CASP4: variants seen among roughly 807,000 people sequenced by gnomAD.
The protein encoded by CASP4 is caspase-4.
Under a neutral mutation model 41.3 loss-of-function variants are expected in CASP4, and 29 were observed. The ratio of observed to expected loss-of-function variants is 0.70; its 90% CI spans 0.52 to 0.96. The LOEUF (loss-of-function observed/expected upper bound fraction) is 0.96, where lower values mean the gene tolerates loss of function less well. CASP4 is among the 40% of genes least tolerant of loss of function. The pLI is 0.00. For synonymous variants in CASP4, 185 were observed against 158.4 expected, an observed-to-expected ratio of 1.17 and a Z score of -1.26; for missense variants, 447 against 460.6, an observed-to-expected ratio of 0.97 and a Z score of 0.27.
chr11:104,954,064 A>C (rs1277262247), intron 2 of CASP4, among the ~76,000 whole-genome samples: 1 of 152,158 alleles, frequency 6.6e-6, no homozygotes, highest in Middle Eastern at 3.2e-3. Context: ...TACTGTTATT[A>C]ATTGGTGAAG....
chr11:104,954,456 T>A (rs1252182009), intron 2 of CASP4, among the ~76,000 whole-genome samples: 1 of 152,126 alleles, frequency 6.6e-6, no homozygotes, highest in African/African-American at 2.4e-5. Context: ...GTCACATAGG[T>A]CACAGGTGAC....
At chr11:104,947,396 C>T (rs1209874492) in intron 6 of CASP4, 6 of 364,474 alleles carry the variant, frequency 1.6e-5, no homozygotes, top group African/African-American at 8.4e-5. Flanking sequence ...TCAAAAGTTG[C>T]AGTTGGTAAG....
intron 1 of CASP4, among the ~76,000 whole-genome samples, chr11:104,965,440 A>G (rs1860951372): frequency 6.6e-6 from 1 of 152,206 alleles, no homozygotes; most frequent in Non-Finnish European, 1.5e-5. Flanking sequence ...TCCCATCTTC[A>G]TAGCCTACAC....
chr11:104,951,043 T>C lies in CASP4; in HGVS notation c.428A>G (p.Asn143Ser). 1 of 1,613,502 alleles carries C rather than the reference T, an allele frequency of 6.2e-7. No individual in the cohort carries two copies. Among genetic ancestry groups the C allele is most frequent in the Non-Finnish European group, 8.5e-7 (1 of 1,179,566 alleles). ...CGGAGGCAGATGGTCAAACTCTGTATTGCATATGATGAGAGCCAGGCGTGT... is the reference window on the plus strand; with the variant it reads ...CGGAGGCAGATGGTCAAACTCTGTACTGCATATGATGAGAGCCAGGCGTGT... Reference protein sequence around the residue: ...NRTRLALIICNTEFDHLPPRN... With the variant: ...NRTRLALIICSTEFDHLPPRN... Residue 143 changes from asparagine to serine, a missense_variant, in exon 4 of 9, where the codon AAT (asparagine) becomes AGT (serine). By Grantham distance (46) the Asn-to-Ser change is conservative. Coordinates refer to ENST00000444739, the MANE Select transcript of CASP4 (RefSeq NM_001225.4).
intron 1 of CASP4, among the ~76,000 whole-genome samples, chr11:104,968,014 A>G (rs1365297075): frequency 6.6e-6 from 1 of 152,188 alleles, no homozygotes; most frequent in Non-Finnish European, 1.5e-5. Context: ...AACCCATGAA[A>G]TATTATATTA....
intron 1 of CASP4, among the ~76,000 whole-genome samples, chr11:104,963,806 C>A (rs1294498003): frequency 6.6e-6 from 1 of 152,092 alleles, no homozygotes; most frequent in Non-Finnish European, 1.5e-5. Context: ...TATTTCCTTC[C>A]TTTTGGGGAT....
chr11:104,958,307 TAC>T (rs1450930060), intron 1 of CASP4, among the ~76,000 whole-genome samples: 1 of 152,102 alleles, frequency 6.6e-6, no homozygotes, highest in Non-Finnish European at 1.5e-5. Context: ...AAAAAGCTTT[TAC>T]ACAGTCAAAG....
chr11:104,945,892 G>C (rs1456789904), intron 7 of CASP4, among the ~76,000 whole-genome samples: 1 of 151,434 alleles, frequency 6.6e-6, no homozygotes, highest in Non-Finnish European at 1.5e-5. Flanking sequence ...TGTCATCCAG[G>C]CTAGAGGGTA....
chr11:104,965,029 T>C (rs1026212880), intron 1 of CASP4, among the ~76,000 whole-genome samples: 1 of 152,228 alleles, frequency 6.6e-6, no homozygotes, highest in African/African-American at 2.4e-5. Flanking sequence ...AAAAATAGGG[T>C]CTGGAGAGAA....
At chr11:104,958,231 T>G (rs1860778858) in intron 1 of CASP4, among the ~76,000 whole-genome samples, 1 of 152,170 alleles carries the variant, frequency 6.6e-6, no homozygotes, top group African/African-American at 2.4e-5. Context: ...AGACAGTGAT[T>G]TTTGGATATG....
At chr11:104,965,294 T>C (rs1860948290) in intron 1 of CASP4, among the ~76,000 whole-genome samples, 1 of 152,220 alleles carries the variant, frequency 6.6e-6, no homozygotes, top group East Asian at 1.9e-4. Flanking sequence ...ATTGCAAGCA[T>C]TGGAAGCCCA....
Position 104,947,161 on chromosome 11 carries a change from G to A in CASP4, c.957C>T (p.Gly319=), listed in dbSNP as rs1355067769. 6 of 1,612,210 alleles carry A rather than the reference G, an allele frequency of 3.7e-6. No homozygotes were observed. Among genetic ancestry groups the A allele is most frequent in the Non-Finnish European group, 5.1e-6 (6 of 1,178,550 alleles). The change falls in exon 7 of 9, where the codon GGC becomes GGT. Residue 319 remains glycine (G), a synonymous_variant. Transcript: ENST00000444739. ...TGATGAGTTGTGTGATGAAGATAGA[G>A]CCCATTGTGCTGTCTCTCCAGGACA... ...HNVSWRDSTM[G]SIFITQLITC... is the part of the protein sequence containing the mutation.
At chr11:104,968,390 C>G (rs1861021467) in intron 1 of CASP4, 129 bp downstream of exon 1, 2 of 835,202 alleles carry the variant, frequency 2.4e-6, no homozygotes, top group Non-Finnish European at 4.1e-6. Context: ...AAACTACACA[C>G]AATCAGTAAG....
chr11:104,950,823 C>CACACACACACACAG (rs1555070300), intron 4 of CASP4, 102 bp downstream of exon 4: 1 of 1,056,818 alleles, frequency 9.5e-7, no homozygotes, highest in Non-Finnish European at 1.4e-6. Flanking sequence ...CACACACACA[C>CACACACACACACAG]CCAAAGGTTG....
At chr11:104,960,521 G>A (rs951585730) in intron 1 of CASP4, among the ~76,000 whole-genome samples, 2 of 152,094 alleles carry the variant, frequency 1.3e-5, no homozygotes, top group African/African-American at 2.4e-5. Flanking sequence ...CCAGGCTGAA[G>A]TGCAGTGGTG....
intron 7 of CASP4, among the ~76,000 whole-genome samples, chr11:104,945,420 T>C (rs1229122169): frequency 1.3e-5 from 2 of 151,930 alleles, no homozygotes. Context: ...GCCTAGCTAA[T>C]TGGTTTTTTG....
Position 104,949,781 on chromosome 11 carries a change from T to C in CASP4, c.547-4A>G. The C allele has an allele frequency of 6.2e-7, 1 of 1,613,166 alleles. No homozygotes were observed. Among genetic ancestry groups the C allele is most frequent in the South Asian group, 1.1e-5 (1 of 91,068 alleles). ...CCCTCAGCGCTGACTCCATATCCTG[T>C]AAAAGAGCAATGTCTAACTTCAGTC... On this transcript the variant is annotated splice_region_variant and splice_polypyrimidine_tract_variant and intron_variant, in intron 4 of 8. Coordinates refer to ENST00000444739, the MANE Select transcript of CASP4 (RefSeq NM_001225.4).
Position 104,952,024 on chromosome 11 carries a change from C to G in CASP4, c.263-19G>C, listed in dbSNP as rs188298553. The G allele has an allele frequency of 6.7e-7, 1 of 1,495,196 alleles. No individual in the cohort carries two copies. Among genetic ancestry groups the G allele is most frequent in the East Asian group, 2.3e-5 (1 of 44,180 alleles). The allele number at this position is 1,495,196 out of a possible 1,614,324, so 92.6% of individuals were successfully genotyped here. A position where few individuals can be genotyped will look rare whatever the true frequency, so the allele number is the denominator to read the frequency against. ...GGATGAGCTGCAGGATATTGCAGAA[C>G]ATAAATTGTGATTTCTGCCTCTGTG... On this transcript the variant is annotated intron_variant, in intron 2 of 8. Coordinates refer to ENST00000444739, the MANE Select transcript of CASP4 (RefSeq NM_001225.4).
Position 104,951,916 on chromosome 11 carries a change from A to G in CASP4, c.352T>C (p.Cys118Arg). Residue 118 changes from cysteine (C) to arginine (R), a missense_variant, in exon 3 of 9, where the codon TGT (cysteine) becomes CGT (arginine). Coordinates refer to ENST00000444739, the MANE Select transcript of CASP4 (RefSeq NM_001225.4). ...LCPHEEFLRL[C>R]KERAEEIYPI... ...AGCACCTCTTCAGCTCTTTCTTTACATAGTCTCAGGAATTCTTCATGAGGA... is the reference window on the plus strand; with the variant it reads ...AGCACCTCTTCAGCTCTTTCTTTACGTAGTCTCAGGAATTCTTCATGAGGA... 6.2e-7 allele frequency: 1 copy of G among 1,610,440 alleles called. No individual in the cohort carries two copies. The highest frequency in any genetic ancestry group is 8.5e-7 in the Non-Finnish European group (1 of 1,177,154).
Sources: allele counts gnomAD v4.1 joint callset (sites outside exome capture counted in the v4.1 genomes callset), GRCh38; gene constraint gnomAD v4.1.1; transcripts MANE v1.5; gene names NCBI Gene and HGNC (gene_info 2026-07-23, HGNC 2026-07-21).